Variants in CDKAL1 observed in about 807,000 individuals in gnomAD.
CDKAL1 encodes the protein threonylcarbamoyladenosine tRNA methylthiotransferase.
Under a neutral mutation model 68.2 loss-of-function variants are expected in CDKAL1, and 32 were observed. That is an observed-to-expected ratio of 0.47 (90% CI 0.35 to 0.63). The LOEUF (loss-of-function observed/expected upper bound fraction) is 0.63, where lower values mean the gene tolerates loss of function less well. Among genes scored for constraint, CDKAL1 ranks in the 30% least tolerant of loss-of-function variants. CDKAL1 has a pLI of 0.00. For missense variants in CDKAL1, 606 were observed against 696.7 expected (o/e 0.87, Z 1.47); for synonymous variants, 234 against 244.3 (o/e 0.96, Z 0.39).
chr6:21,199,776 G>T (rs1467870578), intron 14 of CDKAL1, among the ~76,000 whole-genome samples: 1 of 152,308 alleles, frequency 6.6e-6, no homozygotes, highest in South Asian at 2.1e-4. Context: ...TATAAAAACT[G>T]ATTTAAATGG....
intron 13 of CDKAL1, among the ~76,000 whole-genome samples, chr6:21,146,364 G>C (rs1437762131): frequency 1.3e-5 from 2 of 152,168 alleles, no homozygotes; most frequent in Non-Finnish European, 2.9e-5. Flanking sequence ...ACGTCCCAGA[G>C]CCCAGGAGGA....
chr6:20,898,614 G>T (rs528682250), intron 9 of CDKAL1, among the ~76,000 whole-genome samples: 1 of 151,814 alleles, frequency 6.6e-6, no homozygotes, highest in South Asian at 2.1e-4. Context: ...ATGGAAACCC[G>T]GTCCCTCCTT....
At chr6:21,227,057 T>G (rs767787789) in intron 15 of CDKAL1, among the ~76,000 whole-genome samples, 7 of 152,244 alleles carry the variant, frequency 4.6e-5, no homozygotes, top group Non-Finnish European at 7.3e-5. Context: ...TGTATGATAC[T>G]TTGAGCGATG....
At chr6:21,020,834 C>T (rs959567078) in intron 11 of CDKAL1, among the ~76,000 whole-genome samples, 4 of 144,966 alleles carry the variant, frequency 2.8e-5, no homozygotes, top group Non-Finnish European at 6.0e-5. Flanking sequence ...TTATCTTGAA[C>T]TCCTGGGCTC....
intron 3 of CDKAL1, among the ~76,000 whole-genome samples, 176 bp downstream of exon 3, chr6:20,546,699 A>C (rs1005379987): frequency 3.3e-5 from 5 of 151,994 alleles, no homozygotes; most frequent in Admixed American, 6.6e-5. Flanking sequence ...GATTACAGGC[A>C]CACACCACCA....
intron 6 of CDKAL1, among the ~76,000 whole-genome samples, chr6:20,754,548 A>G (rs966001386): frequency 6.6e-6 from 1 of 152,204 alleles, no homozygotes; most frequent in African/African-American, 2.4e-5. Context: ...CTGGTTGGCT[A>G]ATGATGTTGA....
At chr6:21,058,743 G>A (rs1171562207) in intron 11 of CDKAL1, among the ~76,000 whole-genome samples, 2 of 152,202 alleles carry the variant, frequency 1.3e-5, no homozygotes, top group African/African-American at 4.8e-5. Context: ...GGTGTCACCA[G>A]TGGGGGCTGC....
chr6:21,010,413 A>G (rs1415818132), intron 11 of CDKAL1, among the ~76,000 whole-genome samples: 1 of 152,204 alleles, frequency 6.6e-6, no homozygotes, highest in African/African-American at 2.4e-5. Flanking sequence ...AGCCAAGTAT[A>G]TTAAATCTCT....
intron 5 of CDKAL1, among the ~76,000 whole-genome samples, chr6:20,711,045 C>G (rs185304896): frequency 1.3e-5 from 2 of 151,966 alleles, no homozygotes; most frequent in Non-Finnish European, 2.9e-5. Context: ...GGGAATTGAG[C>G]GACATATATC....
intron 13 of CDKAL1, among the ~76,000 whole-genome samples, chr6:21,120,523 T>C (rs4074910): frequency 0.26 from 39,487 of 152,142 alleles, 5,231 homozygotes; most frequent in South Asian, 0.37. Context: ...AAGGAAATTC[T>C]CCCTTTGTAA....
chr6:21,033,287 A>G (rs1351314872), intron 11 of CDKAL1, among the ~76,000 whole-genome samples: 1 of 152,218 alleles, frequency 6.6e-6, no homozygotes, highest in Non-Finnish European at 1.5e-5. Context: ...TGAGATCAGC[A>G]CTGGCAATGG....
At chr6:20,715,791 C>A (rs1378345296) in intron 5 of CDKAL1, among the ~76,000 whole-genome samples, 1 of 152,076 alleles carries the variant, frequency 6.6e-6, no homozygotes, top group African/African-American at 2.4e-5. Flanking sequence ...CTTATTTTTC[C>A]TAGTCAGTAT....
chr6:20,644,684 C>G (rs901549291), intron 4 of CDKAL1, among the ~76,000 whole-genome samples: 1 of 144,200 alleles, frequency 6.9e-6, no homozygotes, highest in Non-Finnish European at 1.5e-5. Flanking sequence ...AAAACAAAAA[C>G]AAAAACACAA....
intron 9 of CDKAL1, among the ~76,000 whole-genome samples, chr6:20,921,503 C>T (rs1762956368): frequency 6.6e-6 from 1 of 152,144 alleles, no homozygotes; most frequent in East Asian, 1.9e-4. Flanking sequence ...CCTGGCTATC[C>T]AGGTTTATTT....
chr6:20,736,343 C>T (rs1254388523), intron 5 of CDKAL1, among the ~76,000 whole-genome samples: 1 of 152,078 alleles, frequency 6.6e-6, no homozygotes, highest in African/African-American at 2.4e-5. Flanking sequence ...ACTTTTGGTC[C>T]CTTTATAGAA....
chr6:20,672,280 TTCTCTC>T (rs1362727062), intron 5 of CDKAL1, among the ~76,000 whole-genome samples: 1 of 125,012 alleles, frequency 8.0e-6, no homozygotes, highest in Non-Finnish European at 1.7e-5. Context: ...TTTTCTTTCT[TTCTCTC>T]TCTCTCTCTC....
chr6:20,557,765 A>G (rs1398797229), intron 4 of CDKAL1, among the ~76,000 whole-genome samples: 1 of 152,088 alleles, frequency 6.6e-6, no homozygotes, highest in Non-Finnish European at 1.5e-5. Context: ...CATCTCTACT[A>G]GAAATACAAA....
At position 20,927,464 on chromosome 6, in the gene CDKAL1, T is replaced by C. The variant is rs563431966; in HGVS notation, c.743-27955T>C. ...GTGAAGAACGGTGAACAAAACCGTT[T>C]ACAGTTGTATTGCCTATTAATAATG... On this transcript the variant is annotated intron_variant, in intron 9 of 15. Coordinates refer to ENST00000274695, the MANE Select transcript of CDKAL1 (RefSeq NM_017774.3). 1.4e-4 allele frequency among the ~76,000 whole-genome samples: 21 copies of C among 152,334 alleles called. No homozygotes were observed. The South Asian group carries it at 3.9e-3, about 29-fold the overall frequency.
chr6:21,051,016 A>ATCAAGGTTTAGGT (rs1392394826), intron 11 of CDKAL1, among the ~76,000 whole-genome samples: 1 of 152,220 alleles, frequency 6.6e-6, no homozygotes, highest in African/African-American at 2.4e-5. Context: ...GACAAATAGG[A>ATCAAGGTTTAGGT]TCAAGGTTTT....
Sources: gnomAD v4.1 joint callset for allele counts (sites outside exome capture counted in the v4.1 genomes callset) on GRCh38, gnomAD v4.1.1 for gene constraint, MANE v1.5 for transcripts, NCBI Gene and HGNC (gene_info 2026-07-23, HGNC 2026-07-21) for gene names.